Variants in PCDHGA4 observed in about 807,000 individuals in gnomAD.
The protein encoded by PCDHGA4 is protocadherin gamma-A4.
In PCDHGA4, 38 loss-of-function variants were observed where a neutral mutation model predicts 54.6. The observed-to-expected ratio is 0.70, with a 90% confidence interval of 0.54 to 0.91. The LOEUF is 0.91. Ranked by LOEUF, PCDHGA4 falls within the 40% of genes least tolerant of loss-of-function variation. The pLI, the probability that PCDHGA4 is intolerant of heterozygous loss-of-function variation, is 0.00. For synonymous variants in PCDHGA4, 511 were observed against 512.9 expected (o/e 1.00, Z 0.05); for missense variants, 1,298 against 1,220.9 (o/e 1.06, Z -0.94).
Position 141,485,294 on chromosome 5 carries a change from G to A in PCDHGA4, c.2515-9513G>A, listed in dbSNP as rs2099611126. Reference sequence around the variant, plus strand: ...CTACCCGGTCCCAGAGGAGTCACAGGAAGGGACTTTTGTAGGGAATGTCGC... The same window carrying A: ...CTACCCGGTCCCAGAGGAGTCACAGAAAGGGACTTTTGTAGGGAATGTCGC... On this transcript the variant is annotated intron_variant, in intron 1 of 3. Coordinates refer to ENST00000571252, the MANE Select transcript of PCDHGA4 (RefSeq NM_018917.4). The surrounding 1 kb of genome is among the most constrained non-coding windows in gnomAD (Gnocchi z 5.7). The A allele has an allele frequency of 6.2e-7, 1 of 1,614,044 alleles. No homozygotes were observed. Among genetic ancestry groups the A allele is most frequent in the Non-Finnish European group, 8.5e-7 (1 of 1,179,988 alleles).
Position 141,393,932 on chromosome 5 carries a change from C to A in PCDHGA4, c.2514+36311C>A, listed in dbSNP as rs758815375. 2.7e-5 allele frequency: 44 copies of A among 1,613,798 alleles called. No individual in the cohort carries two copies. Among genetic ancestry groups the A allele is most frequent in the Non-Finnish European group, 3.6e-5 (43 of 1,179,882 alleles). On this transcript the variant is annotated intron_variant, in intron 1 of 3. Coordinates refer to ENST00000571252, the MANE Select transcript of PCDHGA4 (RefSeq NM_018917.4). Reference sequence around the variant, plus strand: ...TAATTGCCTTCTTGAGTGTGCATGACCAAGACTCTGGAAAGAATGGTCAAG... The same window carrying A: ...TAATTGCCTTCTTGAGTGTGCATGAACAAGACTCTGGAAAGAATGGTCAAG...
intron 1 of PCDHGA4, chr5:141,422,513 G>A (rs765955739): frequency 6.2e-7 from 1 of 1,614,000 alleles, no homozygotes. Context: ...ACAGACCAGG[G>A]AAGCCCGCCT....
rs1760470254 is a variant in PCDHGA4, at chr5:141,357,102, CAG to C, written c.1999_2000del (p.Asp667ArgfsTer38). ...EVRTARALLD[R>X]DALKQRLVVV... ...TGCGCACCGCACGGGCCCTGCTGGA[CAG>C]AGACGCGCTCAAGCAGAGGCTTGTA... On this transcript the variant is annotated frameshift_variant, in exon 1 of 4. Transcript: ENST00000571252. LOFTEE classifies it high-confidence loss of function. 6.2e-7 allele frequency: 1 copy of C among 1,613,746 alleles called. No individual in the cohort carries two copies. The highest frequency in any genetic ancestry group is 1.7e-5 in the Admixed American group (1 of 60,012).
At chr5:141,393,889 A>T (rs771844364) in intron 1 of PCDHGA4, 3 of 1,613,998 alleles carry the variant, frequency 1.9e-6, no homozygotes, top group Admixed American at 3.3e-5. Flanking sequence ...GTGTTAGAAA[A>T]TTCTCTTCCC....
At chr5:141,465,338 G>C (rs908157154) in intron 1 of PCDHGA4, among the ~76,000 whole-genome samples, 6 of 151,962 alleles carry the variant, frequency 3.9e-5, no homozygotes, top group Admixed American at 2.6e-4. Context: ...TTTTATATTG[G>C]TTACTGAAGA....
chr5:141,489,470 T>C lies in PCDHGA4; in HGVS notation c.2515-5337T>C, dbSNP rs1030378524. 1 of 1,613,874 alleles carries C rather than the reference T, an allele frequency of 6.2e-7. No homozygotes were observed. The highest frequency in any genetic ancestry group is 8.5e-7 in the Non-Finnish European group (1 of 1,179,838). ...GAGGAGAATGGGCGCTATTTTTCCCTGAGCTTGATGAGTGGTGCCCTGGCA... is the reference window on the plus strand; with the variant it reads ...GAGGAGAATGGGCGCTATTTTTCCCCGAGCTTGATGAGTGGTGCCCTGGCA... On this transcript the variant is annotated intron_variant, in intron 1 of 3. Transcript: ENST00000571252. This position sits in a 1 kb window ranked among gnomAD's most constrained non-coding sequence, Gnocchi z 4.5.
At position 141,355,056 on chromosome 5, in the gene PCDHGA4, T is replaced by C. The variant is rs1323351073; in HGVS notation, c.-52T>C. On this transcript the variant is annotated 5_prime_UTR_variant, in exon 1 of 4. Transcript: ENST00000571252. ...GATTTCTGCAGCACAAAGCACTGGCTCTGGAGCTTTATGAAAGCTTCAAGC... is the reference window on the plus strand; with the variant it reads ...GATTTCTGCAGCACAAAGCACTGGCCCTGGAGCTTTATGAAAGCTTCAAGC... 3.2e-6 allele frequency: 4 copies of C among 1,231,780 alleles called. No homozygotes were observed. The highest frequency in any genetic ancestry group is 5.8e-5 in the Admixed American group (2 of 34,260). 76.3% of individuals were successfully genotyped at this position (1,231,780 alleles called of 1,614,324 possible). A position where few individuals can be genotyped will look rare whatever the true frequency, so the allele number is the denominator to read the frequency against.
intron 1 of PCDHGA4, chr5:141,419,739 G>T: frequency 6.2e-7 from 1 of 1,613,770 alleles, no homozygotes; most frequent in South Asian, 1.1e-5. Context: ...GGCGAGGTGC[G>T]CATGGTGCGT....
rs1347283176 is a variant in PCDHGA4, at chr5:141,360,728, A to T, written c.2514+3107A>T. On this transcript the variant is annotated intron_variant, in intron 1 of 3. Coordinates refer to ENST00000571252, the MANE Select transcript of PCDHGA4 (RefSeq NM_018917.4). ...AAATATCCTGAGTTGATTCTAAAAC[A>T]CTCTCTGGACAGAGAAGAGCACAGT... 4 of 1,613,740 alleles carry T rather than the reference A, an allele frequency of 2.5e-6. No individual in the cohort carries two copies. The African/African-American group carries it at 5.3e-5, about 22-fold the overall frequency.
chr5:141,500,175 CA>C (rs762724660), intron 2 of PCDHGA4, among the ~76,000 whole-genome samples: 15 of 147,258 alleles, frequency 1.0e-4, no homozygotes, highest in Non-Finnish European at 1.5e-4. Flanking sequence ...GCATGAGCTT[CA>C]TTTTTATTTT....
At chr5:141,408,500 A>G in intron 1 of PCDHGA4, 1 of 1,614,018 alleles carries the variant, frequency 6.2e-7, no homozygotes, top group Non-Finnish European at 8.5e-7. Context: ...CAAAGAGAGA[A>G]GAAGATGTGA....
intron 2 of PCDHGA4, among the ~76,000 whole-genome samples, chr5:141,497,522 G>A (rs998999424): frequency 3.3e-5 from 5 of 150,848 alleles, no homozygotes; most frequent in African/African-American, 4.9e-5. Flanking sequence ...TAGTTAACTT[G>A]TGGAGGATGC....
chr5:141,375,822 G>C (rs1439795137), intron 1 of PCDHGA4: 3 of 1,614,144 alleles, frequency 1.9e-6, no homozygotes. Context: ...CTGGCGCCCC[G>C]CTCCGCAGAG....
At position 141,490,376 on chromosome 5, in the gene PCDHGA4, CA is replaced by C; in HGVS notation, c.2515-4430del. 1 of 1,614,184 alleles carries C rather than the reference CA, an allele frequency of 6.2e-7. No individual in the cohort carries two copies. Among genetic ancestry groups the C allele is most frequent in the African/African-American group, 1.3e-5 (1 of 75,030 alleles). On this transcript the variant is annotated intron_variant, in intron 1 of 3. Coordinates refer to ENST00000571252, the MANE Select transcript of PCDHGA4 (RefSeq NM_018917.4). This position sits in a 1 kb window ranked among gnomAD's most constrained non-coding sequence, Gnocchi z 5.4. ...TTGTTTAATGTGCGAGACCGGGACTCAGGTAGAAATGGTGAAGTGAGCCTTG... is the reference window on the plus strand; with the variant it reads ...TTGTTTAATGTGCGAGACCGGGACTCGGTAGAAATGGTGAAGTGAGCCTTG...
At chr5:141,471,252 T>C (rs1003162914) in intron 1 of PCDHGA4, 1 of 151,872 alleles carries the variant, frequency 6.6e-6, no homozygotes, top group Non-Finnish European at 1.5e-5. Flanking sequence ...GGTTTCACCA[T>C]GTTGGCAAGG....
At chr5:141,381,977 G>T (rs61025717) in intron 1 of PCDHGA4, among the ~76,000 whole-genome samples, 22 of 151,370 alleles carry the variant, frequency 1.5e-4, no homozygotes, top group African/African-American at 5.3e-4. Context: ...TTACAGGCGC[G>T]CGCCACCACG....
intron 1 of PCDHGA4, chr5:141,418,737 C>G (rs768683069): frequency 6.2e-7 from 1 of 1,613,842 alleles, no homozygotes; most frequent in African/African-American, 1.3e-5. Context: ...CACGTGTTCT[C>G]TCTGGATTAC....
chr5:141,447,135 GT>G (rs905717632), intron 1 of PCDHGA4, among the ~76,000 whole-genome samples: 1 of 151,698 alleles, frequency 6.6e-6, no homozygotes, highest in South Asian at 2.1e-4. Flanking sequence ...TTGTTTGTTT[GT>G]TTTTTGTTTT....
chr5:141,372,721 C>A (rs1769002230), intron 1 of PCDHGA4: 1 of 1,613,832 alleles, frequency 6.2e-7, no homozygotes, highest in South Asian at 1.1e-5. Flanking sequence ...GAAAATGCTG[C>A]ACCACAAGAT....
Sources: allele counts gnomAD v4.1 joint callset (sites outside exome capture counted in the v4.1 genomes callset), GRCh38; gene constraint gnomAD v4.1.1; non-coding constraint Gnocchi (gnomAD v3.1); transcripts MANE v1.5; gene names NCBI Gene and HGNC (gene_info 2026-07-23, HGNC 2026-07-21).